The following CHN2 variants were observed in gnomAD, a reference collection of about 807,000 sequenced individuals.
The protein encoded by CHN2 is beta-chimaerin.
A neutral mutation model predicts 56.3 loss-of-function variants in CHN2; 35 were observed. The ratio of observed to expected loss-of-function variants is 0.62; its 90% CI spans 0.47 to 0.82. The LOEUF (loss-of-function observed/expected upper bound fraction) is 0.82. Among genes scored for constraint, CHN2 ranks in the 40% least tolerant of loss-of-function variants. CHN2 has a pLI of 0.00. For synonymous variants in CHN2, 210 were observed against 212.8 expected (o/e 0.99, Z 0.12); for missense variants, 491 against 580.5 (o/e 0.85, Z 1.58).
At chr7:29,481,899 TG>T (rs1280920813) in intron 7 of CHN2, among the ~76,000 whole-genome samples, 5 of 152,192 alleles carry the variant, frequency 3.3e-5, no homozygotes, top group African/African-American at 1.2e-4. Flanking sequence ...TATGTTTGCA[TG>T]GAGTAGCTTG....
intron 1 of CHN2, among the ~76,000 whole-genome samples, chr7:29,225,222 A>G (rs1326498941): frequency 6.6e-6 from 1 of 152,220 alleles, no homozygotes; most frequent in Non-Finnish European, 1.5e-5. Context: ...AATTTAAATT[A>G]ATCCATAATT....
intron 1 of CHN2, among the ~76,000 whole-genome samples, chr7:29,339,069 C>T (rs61653900): frequency 6.6e-6 from 1 of 152,022 alleles, no homozygotes; most frequent in African/African-American, 2.4e-5. Flanking sequence ...TTATTTTGAA[C>T]CCTCAATTAC....
chr7:29,427,309 T>C (rs1049923591), intron 6 of CHN2, among the ~76,000 whole-genome samples: 2 of 152,138 alleles, frequency 1.3e-5, no homozygotes, highest in East Asian at 1.9e-4. Flanking sequence ...AGAGTAAGAC[T>C]GTCTCAAAAT....
chr7:29,322,497 C>T (rs1267802882), intron 1 of CHN2, among the ~76,000 whole-genome samples: 1 of 152,222 alleles, frequency 6.6e-6, no homozygotes. Flanking sequence ...TCCTACTCCT[C>T]CTCCTCCTCA....
chr7:29,507,731 A>G (rs1790747055), intron 11 of CHN2, among the ~76,000 whole-genome samples: 1 of 146,214 alleles, frequency 6.8e-6, no homozygotes, highest in Admixed American at 6.9e-5. Flanking sequence ...CCTGGACCAC[A>G]TTGGAAGAAG....
chr7:29,397,820 G>A (rs1052001097), intron 4 of CHN2: 2 of 152,192 alleles, frequency 1.3e-5, no homozygotes, highest in African/African-American at 2.4e-5. Flanking sequence ...AAGAAAAATA[G>A]GTACATTTTC....
At chr7:29,178,418 T>G (rs1056432700) in intron 2 of CHN2, among the ~76,000 whole-genome samples, 1 of 152,196 alleles carries the variant, frequency 6.6e-6, no homozygotes, top group Non-Finnish European at 1.5e-5. Context: ...CCAGCTCCAC[T>G]GGCCGCCTTT....
intron 1 of CHN2, 104 bp from the exon 2 acceptor site, chr7:29,354,521 G>T: frequency 3.1e-6 from 3 of 969,908 alleles, no homozygotes; most frequent in Non-Finnish European, 3.2e-6. Context: ...CCTGAGACCC[G>T]CATGCAAGTA....
chr7:29,238,587 T>C (rs1172239080), intron 1 of CHN2, among the ~76,000 whole-genome samples: 2 of 152,138 alleles, frequency 1.3e-5, no homozygotes, highest in Non-Finnish European at 2.9e-5. Flanking sequence ...TTTAAGGAGC[T>C]TATGTTCTAG....
chr7:29,196,840 C>A (rs889881835), intron 1 of CHN2, among the ~76,000 whole-genome samples: 4 of 152,186 alleles, frequency 2.6e-5, no homozygotes, highest in African/African-American at 4.8e-5. Flanking sequence ...TAGAGATGCC[C>A]ATGATAGTTC....
intron 6 of CHN2, among the ~76,000 whole-genome samples, chr7:29,440,467 G>A (rs1175761442): frequency 3.3e-5 from 5 of 151,988 alleles, no homozygotes. Context: ...GAGGCGGGTG[G>A]ATCACCTGAG....
intron 1 of CHN2, among the ~76,000 whole-genome samples, chr7:29,296,104 GAC>G (rs1183038654): frequency 6.9e-6 from 1 of 144,968 alleles, no homozygotes; most frequent in Non-Finnish European, 1.5e-5. Context: ...TTTTTTTTAA[GAC>G]AGAGTCTCGC....
intron 1 of CHN2, among the ~76,000 whole-genome samples, chr7:29,198,289 C>A (rs1783901298): frequency 6.6e-6 from 1 of 152,168 alleles, no homozygotes; most frequent in African/African-American, 2.4e-5. Flanking sequence ...TTTGTGTTTG[C>A]AGAGTAAAGA....
chr7:29,204,168 G>A (rs1562828492), intron 1 of CHN2, among the ~76,000 whole-genome samples: 1 of 151,384 alleles, frequency 6.6e-6, no homozygotes, highest in South Asian at 2.1e-4. Context: ...CCATGGATAA[G>A]TATGTGGGTT....
intron 6 of CHN2, among the ~76,000 whole-genome samples, chr7:29,422,103 G>A (rs1040886949): frequency 1.3e-5 from 2 of 152,048 alleles, no homozygotes; most frequent in African/African-American, 4.8e-5. Context: ...AGTATACATG[G>A]TCAGAATTCA....
At chr7:29,504,200 A>C (rs986895805) in intron 9 of CHN2, among the ~76,000 whole-genome samples, 4 of 152,206 alleles carry the variant, frequency 2.6e-5, no homozygotes, top group Admixed American at 6.6e-5. Context: ...ACATACATAC[A>C]TGTGTGTATC....
chr7:29,503,287 G>T (rs1175023337), intron 9 of CHN2, among the ~76,000 whole-genome samples: 4 of 152,214 alleles, frequency 2.6e-5, no homozygotes, highest in Non-Finnish European at 4.4e-5. Flanking sequence ...GGACGTGTGA[G>T]AGAAGGTGGC....
At chr7:29,451,613 C>T (rs577507566) in intron 6 of CHN2, among the ~76,000 whole-genome samples, 6 of 152,080 alleles carry the variant, frequency 3.9e-5, no homozygotes, top group African/African-American at 7.2e-5. Context: ...TGGTCATATA[C>T]GCGAAGAAGA....
At chr7:29,414,395 A>G (rs1472512157) in intron 6 of CHN2, among the ~76,000 whole-genome samples, 2 of 152,188 alleles carry the variant, frequency 1.3e-5, no homozygotes, top group African/African-American at 4.8e-5. Flanking sequence ...GCTAGCACGC[A>G]CGGGGTATTG....
Sources: gnomAD v4.1 joint callset for allele counts (sites outside exome capture counted in the v4.1 genomes callset) on GRCh38, gnomAD v4.1.1 for gene constraint, MANE v1.5 for transcripts, NCBI Gene and HGNC (gene_info 2026-07-23, HGNC 2026-07-21) for gene names.